Variants in VPS53 observed in about 807,000 individuals in gnomAD.
VPS53 encodes the protein VPS53 subunit of GARP complex.
A neutral mutation model predicts 107.0 loss-of-function variants in VPS53; 70 were observed. The observed-to-expected ratio is 0.65, with a 90% CI of 0.54 to 0.80. The LOEUF (loss-of-function observed/expected upper bound fraction) is 0.80, where lower values mean the gene tolerates loss of function less well. VPS53 is among the 30% of genes least tolerant of loss of function. The probability of loss-of-function intolerance (pLI) is 0.00; values close to 1 mark genes in which losing one functional copy is unlikely to be tolerated. For synonymous variants in VPS53, 409 were observed against 393.3 expected, an observed-to-expected ratio of 1.04 and a Z score of -0.47; for missense variants, 917 against 1,049.4, an observed-to-expected ratio of 0.87 and a Z score of 1.74.
At position 714,608 on chromosome 17, in the gene VPS53, G is replaced by C. The variant is rs1244875725; in HGVS notation, c.87+15C>G. The stretch of plus-strand genomic sequence containing the variant: ...CCGCACTCCCGTTTCCCCTCCTGAG[G>C]GGCGGAACGCTTACCTGCTCGATGG... On this transcript the variant is annotated intron_variant, in intron 1 of 21. Coordinates refer to ENST00000437048, the MANE Select transcript of VPS53 (RefSeq NM_001128159.3). The C allele has an allele frequency of 3.7e-6, 6 of 1,606,086 alleles. No homozygotes were observed. Among genetic ancestry groups the C allele is most frequent in the Non-Finnish European group, 4.3e-6 (5 of 1,175,886 alleles).
rs574813568 is a variant in VPS53, at chr17:619,763, G to T, written c.1116+3770C>A. On this transcript the variant is annotated intron_variant, in intron 11 of 21. Transcript: ENST00000437048. Reference sequence around the variant, plus strand: ...TATTTCCCGGGTAGCTGGGACTACAGGCGTGCACCACCACGCCCCGCTAAT... The same window carrying T: ...TATTTCCCGGGTAGCTGGGACTACATGCGTGCACCACCACGCCCCGCTAAT... 2.2e-5 allele frequency among the ~76,000 whole-genome samples: 3 copies of T among 137,340 alleles called. No homozygotes were observed. In the South Asian group the frequency reaches 7.3e-4, roughly 33 times the overall value. 90.1% of individuals were successfully genotyped at this position (137,340 alleles called of 152,430 possible). A position where few individuals can be genotyped will look rare whatever the true frequency, so the allele number is the denominator to read the frequency against.
chr17:656,970 C>A lies in VPS53; in HGVS notation c.373-1017G>T. On this transcript the variant is annotated intron_variant, in intron 5 of 21. Transcript: ENST00000437048. The stretch of plus-strand genomic sequence containing the variant: ...CTGGTGTCTTTCACATGAACCACGT[C>A]AGAAGATCCCGGGTACCTCTCTCTG... 4 of 958,138 alleles carry A rather than the reference C, an allele frequency of 4.2e-6. No homozygotes were observed. In the South Asian group the frequency reaches 5.2e-5, roughly 13 times the overall value. 59.4% of individuals were successfully genotyped at this position (958,138 alleles called of 1,614,324 possible).
intron 2 of VPS53, among the ~76,000 whole-genome samples, chr17:703,186 G>A (rs769828400): frequency 7.0e-5 from 10 of 142,928 alleles, no homozygotes; most frequent in Admixed American, 1.4e-4. Flanking sequence ...TCCAACCTAG[G>A]TGACAGAGTG....
At chr17:593,309 G>A (rs1435888206) in intron 12 of VPS53, among the ~76,000 whole-genome samples, 3 of 152,136 alleles carry the variant, frequency 2.0e-5, no homozygotes, top group African/African-American at 7.2e-5. Context: ...ATTGACCAAT[G>A]GGATCTAATT....
chr17:571,863 G>A (rs1914135571), intron 13 of VPS53, among the ~76,000 whole-genome samples: 1 of 152,246 alleles, frequency 6.6e-6, no homozygotes, highest in South Asian at 2.1e-4. Context: ...TGCCCAGGCT[G>A]GAGTGCAGGG....
intron 4 of VPS53, among the ~76,000 whole-genome samples, chr17:687,048 G>A (rs140616681): frequency 6.7e-4 from 102 of 152,262 alleles, no homozygotes; most frequent in African/African-American, 2.4e-3. Flanking sequence ...ACTTTGAGAG[G>A]CCAAGGTGGG....
At chr17:696,787 A>G (rs940774424) in intron 4 of VPS53, among the ~76,000 whole-genome samples, 2 of 132,812 alleles carry the variant, frequency 1.5e-5, no homozygotes, top group African/African-American at 5.6e-5. Context: ...TAAGACTTAT[A>G]AAACTTTTTT....
In VPS53 at chr17:519,051, G is replaced by A; in HGVS notation, c.*77C>T. On this transcript the variant is annotated 3_prime_UTR_variant, in exon 22 of 22. Transcript: ENST00000437048. The surrounding 1 kb of genome is among the most constrained non-coding windows in gnomAD (Gnocchi z 5.0). ...ACCGACGATGTGAGAGTGCCGGGGA[G>A]CACAGGAGAGGTTGGGGGCTTCTGG... The A allele has an allele frequency of 1.4e-6, 2 of 1,413,458 alleles. No homozygotes were observed. The highest frequency in any genetic ancestry group is 9.4e-7 in the Non-Finnish European group (1 of 1,068,040). The allele number at this position is 1,413,458 out of a possible 1,614,324, so 87.6% of individuals were successfully genotyped here.
intron 12 of VPS53, among the ~76,000 whole-genome samples, chr17:587,308 C>T (rs1245643223): frequency 6.6e-6 from 1 of 152,166 alleles, no homozygotes; most frequent in Non-Finnish European, 1.5e-5. Context: ...AGTGATCCAC[C>T]CACCTCTACC....
chr17:564,159 G>C (rs1190267311), intron 13 of VPS53, among the ~76,000 whole-genome samples: 1 of 151,776 alleles, frequency 6.6e-6, no homozygotes, highest in African/African-American at 2.4e-5. Context: ...ACTTTGGGAG[G>C]CCCAGGCGGC....
chr17:521,833 G>GT, intron 19 of VPS53, 95 bp from the exon 20 acceptor site: 3 of 1,287,902 alleles, frequency 2.3e-6, no homozygotes, highest in Non-Finnish European at 3.0e-6. Context: ...CGTTATACAC[G>GT]TAACACATTC....
intron 12 of VPS53, among the ~76,000 whole-genome samples, chr17:599,306 G>A (rs1280317435): frequency 3.9e-5 from 6 of 152,258 alleles, no homozygotes; most frequent in Non-Finnish European, 5.9e-5. Flanking sequence ...TTGTGGAATA[G>A]AAAGTGGGGA....
At chr17:663,715 G>A (rs1597457989) in intron 4 of VPS53, among the ~76,000 whole-genome samples, 1 of 152,318 alleles carries the variant, frequency 6.6e-6, no homozygotes, top group East Asian at 1.9e-4. Flanking sequence ...ATAGTTCTAG[G>A]CACGAGTCAG....
Position 529,800 on chromosome 17 carries a change from T to C in VPS53, c.2085+3042A>G, listed in dbSNP as rs538904666. Among the ~76,000 whole-genome samples, 31 of 151,884 alleles carry C rather than the reference T, an allele frequency of 2.0e-4. No homozygotes were observed. The South Asian group carries it at 6.0e-3, about 30-fold the overall frequency. Reference sequence around the variant, plus strand: ...GGCTCACGCCTGTAATCGCACCACTTTGGGAGGCTGAGGAGGGTGGAGTTT... The same window carrying C: ...GGCTCACGCCTGTAATCGCACCACTCTGGGAGGCTGAGGAGGGTGGAGTTT... On this transcript the variant is annotated intron_variant, in intron 19 of 21. Transcript: ENST00000437048.
chr17:571,345 A>T (rs1274086479), intron 13 of VPS53, among the ~76,000 whole-genome samples: 1 of 152,194 alleles, frequency 6.6e-6, no homozygotes, highest in East Asian at 1.9e-4. Context: ...GTGTCTGTGC[A>T]TTACGTGTGT....
chr17:698,396 G>A (rs963152646), intron 3 of VPS53, among the ~76,000 whole-genome samples: 1 of 147,980 alleles, frequency 6.8e-6, no homozygotes, highest in Non-Finnish European at 1.5e-5. Flanking sequence ...TCACACCACT[G>A]CACTCTAGCC....
At chr17:528,378 C>G (rs1246429563) in intron 19 of VPS53, among the ~76,000 whole-genome samples, 1 of 152,158 alleles carries the variant, frequency 6.6e-6, no homozygotes, top group South Asian at 2.1e-4. Flanking sequence ...TGGCTTCTTT[C>G]ACTTAACATG....
intron 11 of VPS53, among the ~76,000 whole-genome samples, chr17:617,820 A>G (rs879227686): frequency 7.3e-4 from 56 of 76,682 alleles, no homozygotes; most frequent in East Asian, 1.2e-3. Flanking sequence ...CCCCACTAAT[A>G]TTTCCCGGGT....
intron 12 of VPS53, 126 bp from the exon 13 acceptor site, chr17:586,490 C>T: frequency 1.1e-6 from 1 of 888,568 alleles, no homozygotes; most frequent in Non-Finnish European, 1.7e-6. Flanking sequence ...CAATGTAACC[C>T]AATACGATGG....
Sources: gnomAD v4.1 joint callset for allele counts (sites outside exome capture counted in the v4.1 genomes callset) on GRCh38, gnomAD v4.1.1 for gene constraint, Gnocchi (gnomAD v3.1) non-coding constraint, MANE v1.5 for transcripts, NCBI Gene and HGNC (gene_info 2026-07-23, HGNC 2026-07-21) for gene names.